The following TUSC3 variants were observed in gnomAD, a reference collection of about 807,000 sequenced individuals.
TUSC3 encodes dolichyl-diphosphooligosaccharide--protein glycosyltransferase subunit TUSC3.
Under a neutral mutation model 44.8 loss-of-function variants are expected in TUSC3, and 45 were observed. That is an observed-to-expected ratio of 1.00 (90% CI 0.79 to 1.29). The LOEUF (loss-of-function observed/expected upper bound fraction) is 1.29. Ranked by LOEUF, TUSC3 falls within the 50% of genes most tolerant of loss-of-function variation. TUSC3 has a pLI of 0.00. For missense variants in TUSC3, 519 were observed against 437.9 expected (o/e 1.19, Z -1.65); for synonymous variants, 212 against 152.9 (o/e 1.39, Z -2.85).
chr8:15,550,198 T>A (rs1328209907), intron 1 of TUSC3, among the ~76,000 whole-genome samples: 1 of 151,766 alleles, frequency 6.6e-6, no homozygotes, highest in East Asian at 1.9e-4. Flanking sequence ...CACCGGGCTG[T>A]CTGTCTGTGG....
chr8:15,636,749 G>A (rs1359969407), intron 2 of TUSC3, among the ~76,000 whole-genome samples: 4 of 152,184 alleles, frequency 2.6e-5, no homozygotes, highest in Admixed American at 6.5e-5. Context: ...TGATGAAGAC[G>A]AATGTTCCAG....
chr8:15,696,117 A>C (rs1034754820), intron 6 of TUSC3, among the ~76,000 whole-genome samples: 1 of 152,188 alleles, frequency 6.6e-6, no homozygotes, highest in African/African-American at 2.4e-5. Context: ...AGGGAATGTT[A>C]AAGGTCTTCA....
chr8:15,482,128 G>A (rs576427135), intron 1 of TUSC3, among the ~76,000 whole-genome samples: 28 of 152,144 alleles, frequency 1.8e-4, no homozygotes, highest in South Asian at 8.3e-4. Flanking sequence ...TTCATCCCTC[G>A]GAAACAACTC....
chr8:15,743,152 G>A (rs568816877), intron 7 of TUSC3, among the ~76,000 whole-genome samples: 3 of 152,310 alleles, frequency 2.0e-5, no homozygotes, highest in African/African-American at 4.8e-5. Flanking sequence ...AAAAAGCTGT[G>A]TACACACACG....
In TUSC3 at chr8:15,427,049, A is replaced by G. The variant is rs375972374; in HGVS notation, n.91+9744A>G. 5.4e-4 allele frequency among the ~76,000 whole-genome samples: 82 copies of G among 150,686 alleles called. No individual in the cohort carries two copies. The South Asian group carries it at 0.016, about 29-fold the overall frequency. ...ATGTTTAAGTCTTTTACCCATTTTT[A>G]AATTAGTTTTTGTTTGTTGTTTGGT... On this transcript the variant is annotated intron_variant and non_coding_transcript_variant, in intron 1 of 5. Coordinates refer to the TUSC3 transcript ENST00000503191.
rs1488186934 is a variant in TUSC3, at chr8:15,666,941, C to T, written c.708+4645C>T. Reference sequence around the variant, plus strand: ...CTTAATATATCTAATTCTTAATTTTCTGTAGTAGGAGTAAGCAGTGGCCTC... The same window carrying T: ...CTTAATATATCTAATTCTTAATTTTTTGTAGTAGGAGTAAGCAGTGGCCTC... On this transcript the variant is annotated intron_variant, in intron 5 of 10. Transcript: ENST00000503731. Among the ~76,000 whole-genome samples the T allele has an allele frequency of 2.6e-5, 4 of 151,304 alleles. No homozygotes were observed. In the Admixed American group the frequency reaches 2.7e-4, roughly 10 times the overall value.
chr8:15,831,275 G>T, the TUSC3 span, among the ~76,000 whole-genome samples: 3 of 151,960 alleles, frequency 2.0e-5, no homozygotes, highest in Non-Finnish European at 2.9e-5. Context: ...TCAACAAATA[G>T]GATAAAAGAA....
At chr8:15,748,649 A>G (rs887679159) in intron 9 of TUSC3, 184 bp downstream of exon 9, 1 of 737,662 alleles carries the variant, frequency 1.4e-6, no homozygotes, top group African/African-American at 1.7e-5. Flanking sequence ...GATATAAGGC[A>G]TGGTTCTTGT....
At chr8:15,516,949 G>C (rs1801224240) in intron 2 of TUSC3, among the ~76,000 whole-genome samples, 1 of 152,120 alleles carries the variant, frequency 6.6e-6, no homozygotes, top group African/African-American at 2.4e-5. Context: ...TAGTTGAATT[G>C]AATACTGTGT....
intron 1 of TUSC3, among the ~76,000 whole-genome samples, chr8:15,454,394 G>A (rs1800230508): frequency 6.6e-6 from 1 of 152,188 alleles, no homozygotes; most frequent in South Asian, 2.1e-4. Flanking sequence ...CTGCAGAAGT[G>A]TATAAATTTG....
intron 1 of TUSC3, among the ~76,000 whole-genome samples, chr8:15,555,139 CTTTTTTTTTTTTT>C (rs60676527): frequency 1.1e-5 from 1 of 93,582 alleles, no homozygotes; most frequent in African/African-American, 4.0e-5. Context: ...TAATAGCAGT[CTTTTTTTTTTTTT>C]TTTTTTTTTT....
At chr8:15,427,549 C>T (rs1008966598) in intron 1 of TUSC3, among the ~76,000 whole-genome samples, 2 of 152,184 alleles carry the variant, frequency 1.3e-5, no homozygotes, top group African/African-American at 4.8e-5. Flanking sequence ...CAGGTCAAGC[C>T]ACGCACTTGG....
chr8:15,481,529 T>G (rs1175873738), intron 1 of TUSC3, among the ~76,000 whole-genome samples: 6 of 152,136 alleles, frequency 3.9e-5, no homozygotes, highest in African/African-American at 1.4e-4. Flanking sequence ...AAATTTCTGT[T>G]CATTTTCTCA....
intron 1 of TUSC3, among the ~76,000 whole-genome samples, chr8:15,617,160 G>A (rs1414523002): frequency 5.4e-5 from 1 of 18,614 alleles, no homozygotes; most frequent in African/African-American, 1.4e-4. Flanking sequence ...TTTTTTTTGA[G>A]ACAGAGTCTT....
At chr8:15,527,846 C>T (rs185038492) in intron 2 of TUSC3, among the ~76,000 whole-genome samples, 13 of 152,260 alleles carry the variant, frequency 8.5e-5, no homozygotes, top group South Asian at 2.1e-4. Context: ...TTAAACATTC[C>T]GTATACATTC....
At chr8:15,838,970 T>C in the TUSC3 span, among the ~76,000 whole-genome samples, 58 of 152,314 alleles carry the variant, frequency 3.8e-4, no homozygotes, top group African/African-American at 1.3e-3. Context: ...TTTCACGATA[T>C]TGATTCTTCC....
At chr8:15,719,516 C>CCA (rs56066329) in intron 6 of TUSC3, among the ~76,000 whole-genome samples, 2,371 of 16,186 alleles carry the variant, frequency 0.15, 32 homozygotes, top group East Asian at 0.37. Flanking sequence ...CACACACACA[C>CCA]CACACACACA....
At chr8:15,594,141 C>T (rs1803971342) in intron 1 of TUSC3, among the ~76,000 whole-genome samples, 1 of 152,184 alleles carries the variant, frequency 6.6e-6, no homozygotes, top group African/African-American at 2.4e-5. Context: ...TAGTTCGCTG[C>T]AATTTTAAAT....
At chr8:15,713,540 A>G (rs1398223105) in intron 6 of TUSC3, among the ~76,000 whole-genome samples, 2 of 152,118 alleles carry the variant, frequency 1.3e-5, no homozygotes, top group Admixed American at 6.6e-5. Context: ...GGATGGTTCC[A>G]ACAACAGAAA....
Sources: gnomAD v4.1 joint callset for allele counts (sites outside exome capture counted in the v4.1 genomes callset) on GRCh38, gnomAD v4.1.1 for gene constraint, MANE v1.5 for transcripts, NCBI Gene and HGNC (gene_info 2026-07-23, HGNC 2026-07-21) for gene names.